The following PGM5 variants were observed in gnomAD, a reference collection of about 807,000 sequenced individuals.
The protein encoded by PGM5 is phosphoglucomutase 5, also known as phosphoglucomutase-like protein 5.
Under a neutral mutation model 59.2 loss-of-function variants are expected in PGM5, and 23 were observed. That is an observed-to-expected ratio of 0.39 (90% CI 0.28 to 0.55). PGM5 has a LOEUF of 0.55. Among genes scored for constraint, PGM5 ranks in the 20% least tolerant of loss-of-function variants. The probability of loss-of-function intolerance (pLI) is 0.66; values close to 1 mark genes in which losing one functional copy is unlikely to be tolerated. For missense variants in PGM5, 574 were observed against 748.3 expected, an observed-to-expected ratio of 0.77 and a Z score of 2.72; for synonymous variants, 214 against 286.0, an observed-to-expected ratio of 0.75 and a Z score of 2.54.
At chr9:68,464,513 A>C (rs922080222) in intron 6 of PGM5, 3 of 152,520 alleles carry the variant, frequency 2.0e-5, no homozygotes, top group Non-Finnish European at 2.9e-5. Context: ...GCATGGGAAC[A>C]TGATTTGGGG....
intron 7 of PGM5, among the ~76,000 whole-genome samples, chr9:68,477,406 G>A (rs1824125022): frequency 6.6e-6 from 1 of 152,212 alleles, no homozygotes; most frequent in African/African-American, 2.4e-5. Context: ...GTTAGAAGTT[G>A]TCAAAGATGT....
intron 7 of PGM5, among the ~76,000 whole-genome samples, chr9:68,471,553 G>A (rs1368521267): frequency 6.6e-6 from 1 of 151,632 alleles, no homozygotes; most frequent in African/African-American, 2.4e-5. Context: ...AGCTGAGGCA[G>A]GAGGATTGCC....
chr9:68,416,612 T>C (rs12684129), intron 6 of PGM5, among the ~76,000 whole-genome samples: 8,485 of 152,344 alleles, frequency 0.056, 287 homozygotes, highest in Middle Eastern at 0.19. Context: ...TCTTCTCATT[T>C]GGCGTTGAGA....
chr9:68,453,376 CT>C (rs1429386800), intron 6 of PGM5, among the ~76,000 whole-genome samples: 1 of 152,174 alleles, frequency 6.6e-6, no homozygotes, highest in Non-Finnish European at 1.5e-5. Context: ...GGTCTTGCTG[CT>C]GCCCAGGCTG....
rs1554677796 is a variant in PGM5, at chr9:68,376,846, TC to T, written c.262-1352del. 4.1e-4 allele frequency among the ~76,000 whole-genome samples: 60 copies of T among 145,888 alleles called. 1 individual carries two copies. The highest frequency in any genetic ancestry group is 1.1e-3 in the African/African-American group (45 of 39,430). ...CTTTCTTTCTTTCTCTTTCTTTCTT[TC>T]TTTCTCTTTCTTTCTTTTTTCTTTC... On this transcript the variant is annotated intron_variant, in intron 1 of 10. Coordinates refer to ENST00000396396, the MANE Select transcript of PGM5 (RefSeq NM_021965.4).
chr9:68,467,588 C>G (rs1299187629), intron 7 of PGM5, among the ~76,000 whole-genome samples: 1 of 152,186 alleles, frequency 6.6e-6, no homozygotes, highest in Non-Finnish European at 1.5e-5. Context: ...TTTCCCCCTC[C>G]CCATTAACAG....
At chr9:68,511,162 C>T (rs1233271483) in intron 10 of PGM5, among the ~76,000 whole-genome samples, 1 of 152,196 alleles carries the variant, frequency 6.6e-6, no homozygotes, top group Non-Finnish European at 1.5e-5. Flanking sequence ...TTTGTAGAGC[C>T]ATTCCAAATT....
intron 9 of PGM5, among the ~76,000 whole-genome samples, chr9:68,486,741 A>G (rs189575862): frequency 3.3e-5 from 5 of 152,316 alleles, no homozygotes; most frequent in African/African-American, 1.2e-4. Flanking sequence ...ACATCCATCT[A>G]CAAGTTTTTG....
In PGM5 at chr9:68,465,559, A is replaced by G. The variant is rs139569340; in HGVS notation, c.1159+351A>G. Among the ~76,000 whole-genome samples the G allele has an allele frequency of 2.6e-5, 4 of 151,792 alleles. No homozygotes were observed. The East Asian group carries it at 5.8e-4, about 22-fold the overall frequency. ...TCTCTACCCTCATCCGCAGGGGAAC[A>G]CTCCTCCCTGATTATTGTGAAGCAA... On this transcript the variant is annotated intron_variant, in intron 7 of 10. Transcript: ENST00000396396.
chr9:68,392,419 A>T lies in PGM5; in HGVS notation c.989A>T (p.Gln330Leu), dbSNP rs1291687670. Reference protein sequence around the residue: ...ANLSCIPYFRQMGVRGFGRSM... With the variant: ...ANLSCIPYFRLMGVRGFGRSM... ...CTCTCTTGCATTCCATATTTCCGTC[A>T]GATGGGGGTCCGCGGGTTTGGGAGG... is the stretch of plus-strand genomic sequence containing the variant. The change falls in exon 6 of 11, where the codon CAG (glutamine) becomes CTG (leucine). Residue 330 changes from glutamine (Q) to leucine (L), a missense_variant. Gln to Leu is a moderately radical substitution (Grantham distance 113, BLOSUM62 -2). Coordinates refer to ENST00000396396, the MANE Select transcript of PGM5 (RefSeq NM_021965.4). 1 of 1,611,456 alleles carries T rather than the reference A, an allele frequency of 6.2e-7. No homozygotes were observed. Among genetic ancestry groups the T allele is most frequent in the African/African-American group, 1.3e-5 (1 of 74,846 alleles).
intron 1 of PGM5, among the ~76,000 whole-genome samples, chr9:68,374,761 A>T (rs1191263548): frequency 1.3e-5 from 2 of 152,232 alleles, no homozygotes; most frequent in Non-Finnish European, 2.9e-5. Context: ...ACAGATATTT[A>T]TTGTATACTT....
At chr9:68,388,788 T>C (rs1554679152) in intron 4 of PGM5, among the ~76,000 whole-genome samples, 1 of 152,166 alleles carries the variant, frequency 6.6e-6, no homozygotes, top group African/African-American at 2.4e-5. Context: ...TCCAGTGCTA[T>C]TTTGATTTTT....
At position 68,524,041 on chromosome 9, in the gene PGM5, C is replaced by T. The variant is rs182894086; in HGVS notation, c.1615-5526C>T. ...ACATGAAAGTGGATTATAACAATGA[C>T]ATAAAGCAAAAGAGAAGATGGGAGA... is the stretch of plus-strand genomic sequence containing the variant. On this transcript the variant is annotated intron_variant, in intron 10 of 10. Coordinates refer to ENST00000396396, the MANE Select transcript of PGM5 (RefSeq NM_021965.4). Among the ~76,000 whole-genome samples the T allele has an allele frequency of 1.8e-3, 274 of 151,570 alleles. 1 individual carries two copies. The highest frequency in any genetic ancestry group is 6.2e-3 in the African/African-American group (255 of 41,262).
chr9:68,491,700 G>A (rs1159656521), intron 9 of PGM5, among the ~76,000 whole-genome samples: 2 of 152,176 alleles, frequency 1.3e-5, no homozygotes, highest in Non-Finnish European at 2.9e-5. Context: ...CCTGTCAGCT[G>A]ATTTGAAAAT....
intron 1 of PGM5, among the ~76,000 whole-genome samples, chr9:68,361,419 T>C (rs1554676262): frequency 6.6e-6 from 1 of 152,278 alleles, no homozygotes; most frequent in African/African-American, 2.4e-5. Flanking sequence ...CTCTGTTTTT[T>C]CCTGGTTAAC....
At chr9:68,501,766 A>G (rs1282397644) in intron 10 of PGM5, among the ~76,000 whole-genome samples, 1 of 152,246 alleles carries the variant, frequency 6.6e-6, no homozygotes, top group Non-Finnish European at 1.5e-5. Flanking sequence ...TTATTTTGCA[A>G]GAGAACAGAG....
At chr9:68,409,993 G>T (rs1418676804) in intron 6 of PGM5, among the ~76,000 whole-genome samples, 1 of 152,204 alleles carries the variant, frequency 6.6e-6, no homozygotes, top group Non-Finnish European at 1.5e-5. Context: ...TAGAAGGGCT[G>T]GGATAGTGGC....
At chr9:68,385,960 T>C (rs1482486927) in intron 3 of PGM5, among the ~76,000 whole-genome samples, 9 of 151,816 alleles carry the variant, frequency 5.9e-5, no homozygotes, top group African/African-American at 1.9e-4. Context: ...AAGCTTGAGT[T>C]AATTAGGAAC....
intron 7 of PGM5, among the ~76,000 whole-genome samples, chr9:68,467,088 G>T (rs1823946879): frequency 6.6e-6 from 1 of 152,164 alleles, no homozygotes. Context: ...CTTCATCCTT[G>T]TCTCCCAGTG....
Sources: allele counts gnomAD v4.1 joint callset (sites outside exome capture counted in the v4.1 genomes callset), GRCh38; gene constraint gnomAD v4.1.1; transcripts MANE v1.5; gene names NCBI Gene and HGNC (gene_info 2026-07-23, HGNC 2026-07-21).